VPS13B: variants seen among roughly 807,000 people sequenced by gnomAD.
VPS13B encodes intermembrane lipid transfer protein VPS13B.
A neutral mutation model predicts 426.4 loss-of-function variants in VPS13B; 285 were observed. That is an observed-to-expected ratio of 0.67 (90% CI 0.61 to 0.74). The LOEUF (loss-of-function observed/expected upper bound fraction) is 0.74. VPS13B is among the 30% of genes least tolerant of loss of function. The pLI is 0.00. For synonymous variants in VPS13B, 1,676 were observed against 1,676.4 expected (o/e 1.00, Z 0.01); for missense variants, 4,537 against 4,782.6 (o/e 0.95, Z 1.51).
intron 19 of VPS13B, among the ~76,000 whole-genome samples, chr8:99,353,014 G>A (rs991695600): frequency 2.0e-5 from 3 of 151,456 alleles, no homozygotes; most frequent in African/African-American, 7.3e-5. Context: ...ACAGAGTCTC[G>A]CTCCAGACCC....
chr8:99,249,962 G>T (rs1407435969), intron 17 of VPS13B, among the ~76,000 whole-genome samples: 1 of 152,118 alleles, frequency 6.6e-6, no homozygotes, highest in Non-Finnish European at 1.5e-5. Context: ...AGGAGCGGCT[G>T]TACATTTTAC....
intron 17 of VPS13B, among the ~76,000 whole-genome samples, chr8:99,268,065 G>T (rs1818400391): frequency 1.3e-5 from 2 of 152,204 alleles, no homozygotes; most frequent in South Asian, 2.1e-4. Flanking sequence ...GCTTTGGGAG[G>T]TTCCACGTGG....
At chr8:99,689,006 A>G (rs1392675303) in intron 35 of VPS13B, among the ~76,000 whole-genome samples, 1 of 152,034 alleles carries the variant, frequency 6.6e-6, no homozygotes, top group African/African-American at 2.4e-5. Flanking sequence ...TTGTAACTTA[A>G]ATGACCTTGG....
intron 56 of VPS13B, among the ~76,000 whole-genome samples, chr8:99,856,432 G>T (rs1019752652): frequency 1.3e-5 from 2 of 152,236 alleles, no homozygotes; most frequent in African/African-American, 4.8e-5. Context: ...CTGGCTGCAG[G>T]TGGGCAAGTT....
At position 99,275,245 on chromosome 8, in the gene VPS13B, C is replaced by T. The variant is rs944874658; in HGVS notation, c.2815C>T (p.His939Tyr). ...IQVPQYIDYC[H>Y]NSGAVLLCSI... Reference sequence around the variant, plus strand: ...AGTTCCACAATATATTGACTACTGCCACAATTCCGGTAAGTACAAACCTAT... The same window carrying T: ...AGTTCCACAATATATTGACTACTGCTACAATTCCGGTAAGTACAAACCTAT... Residue 939 changes from histidine (H) to tyrosine (Y), a missense_variant, in exon 19 of 62, where the codon CAC becomes TAC. Transcript: ENST00000357162. 19 of 1,610,632 alleles carry T rather than the reference C, an allele frequency of 1.2e-5. No homozygotes were observed. The highest frequency in any genetic ancestry group is 1.5e-5 in the Non-Finnish European group (18 of 1,178,606).
At chr8:99,260,528 A>C (rs140133552) in intron 17 of VPS13B, among the ~76,000 whole-genome samples, 4 of 152,226 alleles carry the variant, frequency 2.6e-5, no homozygotes, top group African/African-American at 9.6e-5. Flanking sequence ...TTGGTAATGA[A>C]GATGTCAAGG....
intron 36 of VPS13B, among the ~76,000 whole-genome samples, chr8:99,709,482 A>G (rs570419844): frequency 1.3e-5 from 2 of 152,316 alleles, no homozygotes; most frequent in African/African-American, 2.4e-5. Flanking sequence ...TTTATACTCA[A>G]TGAAAAGTAT....
chr8:99,399,823 A>G (rs1814937339), intron 21 of VPS13B, among the ~76,000 whole-genome samples: 1 of 152,210 alleles, frequency 6.6e-6, no homozygotes, highest in African/African-American at 2.4e-5. Flanking sequence ...TAATTCTAAC[A>G]AAGTGTTCAG....
At chr8:99,408,418 C>T (rs930542632) in intron 21 of VPS13B, among the ~76,000 whole-genome samples, 1 of 152,064 alleles carries the variant, frequency 6.6e-6, no homozygotes, top group African/African-American at 2.4e-5. Flanking sequence ...TAGTAATTTT[C>T]AGGATGTATG....
Position 99,507,199 on chromosome 8 carries a change from C to A in VPS13B, c.4220C>A (p.Ser1407Tyr). 1 of 1,613,852 alleles carries A rather than the reference C, an allele frequency of 6.2e-7. No homozygotes were observed. The highest frequency in any genetic ancestry group is 8.5e-7 in the Non-Finnish European group (1 of 1,179,840). ...GTATTTCTACAATGCAAAGAAAAAT[C>A]TGTGGTGAGACCCATTTAGTTACTA... is the stretch of plus-strand genomic sequence containing the variant. ...EGVFLQCKEK[S>Y]VTTTKLLDGT... Residue 1407 changes from serine (S) to tyrosine (Y), a missense_variant, in exon 28 of 62, where the codon TCT becomes TAT. Around this residue, in one of 2 missense-constraint regions of VPS13B, gnomAD observed 4,311 missense variants for 4,474.3 expected, o/e 0.96. Transcript: ENST00000357162.
intron 19 of VPS13B, among the ~76,000 whole-genome samples, chr8:99,281,339 T>C (rs1819160000): frequency 6.6e-6 from 1 of 152,180 alleles, no homozygotes; most frequent in South Asian, 2.1e-4. Flanking sequence ...CGCTGATCGA[T>C]AGGTCTTTTT....
chr8:99,611,038 A>T (rs928886762), intron 33 of VPS13B, among the ~76,000 whole-genome samples: 2 of 152,264 alleles, frequency 1.3e-5, no homozygotes, highest in African/African-American at 4.8e-5. Context: ...GATATGAATT[A>T]TGCTGACATT....
intron 17 of VPS13B, among the ~76,000 whole-genome samples, chr8:99,263,973 A>G (rs1818177342): frequency 6.6e-6 from 1 of 152,192 alleles, no homozygotes; most frequent in African/African-American, 2.4e-5. Flanking sequence ...GTATGAACGT[A>G]TTATAAACAT....
intron 33 of VPS13B, among the ~76,000 whole-genome samples, chr8:99,579,200 T>C (rs749710633): frequency 6.6e-6 from 1 of 152,172 alleles, no homozygotes; most frequent in Non-Finnish European, 1.5e-5. Context: ...TGTAAAACTT[T>C]CCGTATTTTA....
chr8:99,111,194 A>T lies in VPS13B; in HGVS notation c.677A>T (p.Asp226Val). The change falls in exon 6 of 62, where the codon GAT (aspartate) becomes GTT (valine). Residue 226 changes from aspartate (D) to valine (V), a missense_variant. This residue lies in a region of VPS13B where 226 missense variants were observed against 308.3 expected (regional missense o/e 0.73). Coordinates refer to ENST00000357162, the MANE Select transcript of VPS13B (RefSeq NM_152564.5). ...AGTGGTAAAATAGAATTTTACCAGG[A>T]TCCTTTATTATACAAATGTTCCTTC... Reference protein sequence around the residue: ...NASGKIEFYQDPLLYKCSFRT... With the variant: ...NASGKIEFYQVPLLYKCSFRT... 1 of 1,601,806 alleles carries T rather than the reference A, an allele frequency of 6.2e-7. No individual in the cohort carries two copies. Among genetic ancestry groups the T allele is most frequent in the Non-Finnish European group, 8.5e-7 (1 of 1,174,118 alleles).
intron 3 of VPS13B, among the ~76,000 whole-genome samples, chr8:99,045,534 C>T (rs4273828): frequency 0.73 from 111,685 of 152,092 alleles, 41,740 homozygotes; most frequent in South Asian, 0.87. Flanking sequence ...TTCCTTTTGC[C>T]GTGCAAAAGC....
chr8:99,712,740 C>A (rs906157534), intron 36 of VPS13B, among the ~76,000 whole-genome samples: 2 of 149,328 alleles, frequency 1.3e-5, no homozygotes, highest in African/African-American at 5.0e-5. Flanking sequence ...TCTAGCTATC[C>A]CATTCTGTGT....
chr8:99,219,218 G>A (rs1196942848), intron 17 of VPS13B, among the ~76,000 whole-genome samples: 4 of 152,138 alleles, frequency 2.6e-5, no homozygotes, highest in African/African-American at 7.2e-5. Flanking sequence ...GGAAATAATT[G>A]CCAGAATTAT....
chr8:99,299,519 T>A (rs1017365190), intron 19 of VPS13B, among the ~76,000 whole-genome samples: 1 of 152,226 alleles, frequency 6.6e-6, no homozygotes, highest in African/African-American at 2.4e-5. Context: ...ACCAGCAGAT[T>A]AACTCCACAT....
Sources: allele counts gnomAD v4.1 joint callset (sites outside exome capture counted in the v4.1 genomes callset), GRCh38; gene constraint gnomAD v4.1.1; regional missense constraint gnomAD v4.1.1; transcripts MANE v1.5; gene names NCBI Gene and HGNC (gene_info 2026-07-23, HGNC 2026-07-21).